Variants in NUDT3 observed in about 807,000 individuals in gnomAD.
The protein encoded by NUDT3 is nudix hydrolase 3.
NUDT3 carries 9 observed loss-of-function variants against 23.6 expected under a neutral mutation model. That is an observed-to-expected ratio of 0.38 (90% CI 0.23 to 0.66). The LOEUF is 0.66. NUDT3 is among the 30% of genes least tolerant of loss of function. NUDT3 has a pLI of 0.52. For synonymous variants in NUDT3, 86 were observed against 82.6 expected (o/e 1.04, Z -0.22); for missense variants, 172 against 218.5 (o/e 0.79, Z 1.34).
intron 2 of NUDT3, among the ~76,000 whole-genome samples, chr6:34,302,195 C>CT (rs759027677): frequency 0.014 from 1,937 of 141,066 alleles, 33 homozygotes; most frequent in African/African-American, 0.039. Context: ...TCACAACTGG[C>CT]TTTTTTTTTT....
chr6:34,339,582 A>G (rs967856895), intron 2 of NUDT3, among the ~76,000 whole-genome samples: 1 of 152,232 alleles, frequency 6.6e-6, no homozygotes, highest in Non-Finnish European at 1.5e-5. Flanking sequence ...TTACACTCTG[A>G]GTAGCAAGAG....
Position 34,288,270 on chromosome 6 carries a change from T to G in NUDT3, c.*483A>C, listed in dbSNP as rs1406729077. 6.6e-6 allele frequency: 1 copy of G among 152,422 alleles called. No individual in the cohort carries two copies. The highest frequency in any genetic ancestry group is 1.5e-5 in the Non-Finnish European group (1 of 68,216). 9.4% of individuals were successfully genotyped at this position (152,422 alleles called of 1,614,324 possible). A position where few individuals can be genotyped will look rare whatever the true frequency, so the allele number is the denominator to read the frequency against. On this transcript the variant is annotated 3_prime_UTR_variant, in exon 5 of 5. Coordinates refer to ENST00000607016, the MANE Select transcript of NUDT3 (RefSeq NM_006703.4). ...TATTATATGTCCGATATATAATGTG[T>G]AGATAAATGTATACTGCAGTGAAAG...
intron 1 of NUDT3, among the ~76,000 whole-genome samples, chr6:34,390,124 C>T (rs1561927495): frequency 6.6e-6 from 1 of 151,754 alleles, no homozygotes. Context: ...GGCGAAAGAG[C>T]GAGACTCCGT....
intron 1 of NUDT3, among the ~76,000 whole-genome samples, chr6:34,356,395 C>T (rs1022884954): frequency 6.6e-6 from 1 of 152,060 alleles, no homozygotes; most frequent in African/African-American, 2.4e-5. Context: ...ACTTTCATTC[C>T]TGATACGGCT....
intron 1 of NUDT3, among the ~76,000 whole-genome samples, chr6:34,382,099 AT>A (rs1468912405): frequency 1.5e-4 from 22 of 145,706 alleles, no homozygotes; most frequent in African/African-American, 5.5e-4. Flanking sequence ...AAAAAAAAAA[AT>A]TAAATAATCA....
intron 2 of NUDT3, among the ~76,000 whole-genome samples, chr6:34,313,085 G>T (rs564589209): frequency 9.9e-5 from 15 of 152,044 alleles, no homozygotes; most frequent in Non-Finnish European, 2.1e-4. Context: ...TGAGGTAAGA[G>T]AACTGCTTGA....
intron 2 of NUDT3, among the ~76,000 whole-genome samples, chr6:34,336,584 T>G (rs1764212144): frequency 6.6e-6 from 1 of 152,216 alleles, no homozygotes; most frequent in South Asian, 2.1e-4. Flanking sequence ...ATCCAATCTG[T>G]CTAAATTTGC....
chr6:34,345,662 C>CA (rs569837635), intron 1 of NUDT3, among the ~76,000 whole-genome samples: 10,317 of 66,476 alleles, frequency 0.16, 914 homozygotes, highest in East Asian at 0.49. Flanking sequence ...GACTCCGTCC[C>CA]AAAAAAAAAA....
At chr6:34,363,475 G>C (rs923351741) in intron 1 of NUDT3, among the ~76,000 whole-genome samples, 1 of 152,246 alleles carries the variant, frequency 6.6e-6, no homozygotes, top group African/African-American at 2.4e-5. Context: ...CCTAACTCAT[G>C]AAGGAGAATA....
rs182508863 is a variant in NUDT3, at chr6:34,376,201, C to A, written c.99+16063G>T. On this transcript the variant is annotated intron_variant, in intron 1 of 4. Transcript: ENST00000607016. ...CTAAATTTCCATTTCTCCTGTCACCCAGGATCAAAATTTAAAAGTCATCTT... is the reference window on the plus strand; with the variant it reads ...CTAAATTTCCATTTCTCCTGTCACCAAGGATCAAAATTTAAAAGTCATCTT... 6.6e-5 allele frequency among the ~76,000 whole-genome samples: 10 copies of A among 152,282 alleles called. No individual in the cohort carries two copies. In the East Asian group the frequency reaches 1.9e-3, roughly 29 times the overall value.
At chr6:34,306,896 A>G (rs891386508) in intron 2 of NUDT3, among the ~76,000 whole-genome samples, 1 of 152,228 alleles carries the variant, frequency 6.6e-6, no homozygotes, top group Non-Finnish European at 1.5e-5. Flanking sequence ...TAAATTAGTC[A>G]ATTTAAAATA....
intron 4 of NUDT3, among the ~76,000 whole-genome samples, chr6:34,291,145 G>C (rs533373011): frequency 2.6e-5 from 4 of 152,226 alleles, no homozygotes; most frequent in Admixed American, 1.3e-4. Context: ...TTTTAGTAGA[G>C]ATGGGGTTTC....
rs532745277 is a variant in NUDT3, at chr6:34,322,643, A to C, written c.210+19219T>G. On this transcript the variant is annotated intron_variant, in intron 2 of 4. Coordinates refer to ENST00000607016, the MANE Select transcript of NUDT3 (RefSeq NM_006703.4). ...ACATACAAGCAACAGTAATGTGTGAACCTAGGTTAAGGCCTAGTGAGGAAA... is the reference window on the plus strand; with the variant it reads ...ACATACAAGCAACAGTAATGTGTGACCCTAGGTTAAGGCCTAGTGAGGAAA... Among the ~76,000 whole-genome samples the C allele has an allele frequency of 7.2e-5, 11 of 152,346 alleles. No homozygotes were observed. In the East Asian group the frequency reaches 1.2e-3, roughly 16 times the overall value.
At chr6:34,378,179 T>C (rs1331277674) in intron 1 of NUDT3, among the ~76,000 whole-genome samples, 1 of 150,360 alleles carries the variant, frequency 6.7e-6, no homozygotes, top group African/African-American at 2.4e-5. Context: ...GGCACATTCC[T>C]GTAGTCTCAG....
In NUDT3 at chr6:34,392,479, G is replaced by C; in HGVS notation, c.-117C>G. On this transcript the variant is annotated 5_prime_UTR_variant, in exon 1 of 5. Coordinates refer to ENST00000607016, the MANE Select transcript of NUDT3 (RefSeq NM_006703.4). The stretch of plus-strand genomic sequence containing the variant: ...CTCGGCCAAGGGAAGCAGGGAGGGG[G>C]AGCTTCTCCGCTACACGGCTCCGCC... 4 of 646,322 alleles carry C rather than the reference G, an allele frequency of 6.2e-6. No homozygotes were observed. The South Asian group carries it at 7.3e-5, about 12-fold the overall frequency. The allele number at this position is 646,322 out of a possible 1,614,324, so 40.0% of individuals were successfully genotyped here. A position where few individuals can be genotyped will look rare whatever the true frequency, so the allele number is the denominator to read the frequency against.
chr6:34,303,163 C>T (rs939136975), intron 2 of NUDT3, among the ~76,000 whole-genome samples: 5 of 147,948 alleles, frequency 3.4e-5, no homozygotes, highest in Non-Finnish European at 5.9e-5. Flanking sequence ...TCCTGAGTAA[C>T]GCGGATCACA....
intron 2 of NUDT3, among the ~76,000 whole-genome samples, chr6:34,306,916 C>T (rs1459462171): frequency 1.3e-5 from 2 of 152,118 alleles, no homozygotes; most frequent in Non-Finnish European, 2.9e-5. Flanking sequence ...ATCAGTTCCT[C>T]GACTAAGGAG....
intron 1 of NUDT3, among the ~76,000 whole-genome samples, chr6:34,370,961 A>G (rs1764817023): frequency 6.6e-6 from 1 of 151,782 alleles, no homozygotes; most frequent in Non-Finnish European, 1.5e-5. Context: ...AAATTCAAAA[A>G]TTAGCAGGGC....
intron 1 of NUDT3, among the ~76,000 whole-genome samples, chr6:34,360,438 G>T (rs954454617): frequency 6.6e-6 from 1 of 152,074 alleles, no homozygotes; most frequent in African/African-American, 2.4e-5. Context: ...GCCAGGCATG[G>T]TGGTGGGCAC....
Sources: allele counts gnomAD v4.1 joint callset (sites outside exome capture counted in the v4.1 genomes callset), GRCh38; gene constraint gnomAD v4.1.1; transcripts MANE v1.5; gene names NCBI Gene and HGNC (gene_info 2026-07-23, HGNC 2026-07-21).